The following RAB31 variants were observed in gnomAD, a reference collection of about 807,000 sequenced individuals.
RAB31 encodes ras-related protein Rab-31.
Under a neutral mutation model 25.6 loss-of-function variants are expected in RAB31, and 21 were observed. That is an observed-to-expected ratio of 0.82 (90% confidence interval 0.58 to 1.18). RAB31 has a LOEUF of 1.18. RAB31 is among the 50% of genes most tolerant of loss of function. RAB31 has a pLI of 0.00. For synonymous variants in RAB31, 87 were observed against 84.0 expected (o/e 1.04, Z -0.20); for missense variants, 196 against 250.1 (o/e 0.78, Z 1.46).
intron 1 of RAB31, among the ~76,000 whole-genome samples, chr18:9,761,622 G>A (rs570872610): frequency 3.3e-5 from 5 of 152,178 alleles, no homozygotes; most frequent in Non-Finnish European, 5.9e-5. Context: ...GGCAGGGTCT[G>A]CTTTCAGGCT....
intron 6 of RAB31, among the ~76,000 whole-genome samples, chr18:9,854,664 A>G (rs2068806814): frequency 6.6e-6 from 1 of 152,104 alleles, no homozygotes; most frequent in Non-Finnish European, 1.5e-5. Flanking sequence ...TAATCCTAAT[A>G]TTGTCTTCTT....
At chr18:9,845,482 G>A in intron 5 of RAB31, 100 bp from the exon 6 acceptor site, 1 of 996,234 alleles carries the variant, frequency 1.0e-6, no homozygotes, top group Non-Finnish European at 1.4e-6. Flanking sequence ...TCTACAAGAA[G>A]ATAAAGGAGC....
chr18:9,846,806 A>T (rs575068513), intron 6 of RAB31, among the ~76,000 whole-genome samples: 10 of 152,212 alleles, frequency 6.6e-5, no homozygotes, highest in Non-Finnish European at 1.3e-4. Flanking sequence ...TGGAGAATTC[A>T]TTGGAGATGG....
intron 1 of RAB31, among the ~76,000 whole-genome samples, chr18:9,748,890 CA>C (rs574198911): frequency 1.4e-5 from 2 of 146,406 alleles, no homozygotes; most frequent in Non-Finnish European, 3.0e-5. Flanking sequence ...GACTCTGTCT[CA>C]AAAAAAAATA....
At chr18:9,799,239 T>C (rs949668921) in intron 3 of RAB31, among the ~76,000 whole-genome samples, 2 of 152,246 alleles carry the variant, frequency 1.3e-5, no homozygotes, top group African/African-American at 4.8e-5. Context: ...TTCTGTGTCC[T>C]TAAAGGAAGA....
intron 1 of RAB31, among the ~76,000 whole-genome samples, chr18:9,735,863 G>A (rs534825607): frequency 6.6e-6 from 1 of 152,280 alleles, no homozygotes; most frequent in Admixed American, 6.5e-5. Flanking sequence ...TCTTTAAGCA[G>A]AGTCTTGCTG....
rs750641975 is a variant in RAB31, at chr18:9,859,220, T to G, written c.491-8T>G. On this transcript the variant is annotated splice_region_variant and splice_polypyrimidine_tract_variant and intron_variant, in intron 6 of 6. Transcript: ENST00000578921. ...GGGAACTCACCCTTGGCCTCCTTTT[T>G]GTTGCAGGCCGCCAGATCCCACCCT... 1 of 1,609,474 alleles carries G rather than the reference T, an allele frequency of 6.2e-7. No individual in the cohort carries two copies. The highest frequency in any genetic ancestry group is 1.3e-5 in the African/African-American group (1 of 74,774).
rs143146529 is a variant in RAB31 at position 9,754,994 on chromosome 18, G to A, written c.40-20284G>A. Among the ~76,000 whole-genome samples, 5 of 152,262 alleles carry A rather than the reference G, an allele frequency of 3.3e-5. No homozygotes were observed. The East Asian group carries it at 9.6e-4, about 29-fold the overall frequency. ...GAGGCAGGAGTAGGTACAGTATGGA[G>A]GTCTACAGCTTGGGTTTCTGAGGCA... On this transcript the variant is annotated intron_variant, in intron 1 of 6. Transcript: ENST00000578921.
At chr18:9,820,853 T>C (rs980303137) in intron 5 of RAB31, among the ~76,000 whole-genome samples, 2 of 152,072 alleles carry the variant, frequency 1.3e-5, no homozygotes, top group African/African-American at 4.8e-5. Flanking sequence ...ACCAGTGTTT[T>C]TGGTTTATTT....
At chr18:9,800,048 A>G (rs1365226096) in intron 3 of RAB31, among the ~76,000 whole-genome samples, 1 of 152,206 alleles carries the variant, frequency 6.6e-6, no homozygotes, top group Non-Finnish European at 1.5e-5. Context: ...CTTTGCAAGG[A>G]TGTACACAGG....
intron 6 of RAB31, among the ~76,000 whole-genome samples, chr18:9,847,428 G>T (rs2068767366): frequency 6.6e-6 from 1 of 152,192 alleles, no homozygotes; most frequent in Non-Finnish European, 1.5e-5. Context: ...GGGGAGCCTG[G>T]TGCCTTGTAT....
At chr18:9,720,033 G>A (rs1055177959) in intron 1 of RAB31, among the ~76,000 whole-genome samples, 2 of 151,792 alleles carry the variant, frequency 1.3e-5, no homozygotes, top group Non-Finnish European at 2.9e-5. Flanking sequence ...GCACAATCTC[G>A]GCTCACTGCA....
intron 5 of RAB31, among the ~76,000 whole-genome samples, chr18:9,844,336 A>T (rs552133636): frequency 6.6e-6 from 1 of 152,180 alleles, no homozygotes; most frequent in East Asian, 1.9e-4. Flanking sequence ...TGCAGAATCA[A>T]CTTTTAATAA....
intron 3 of RAB31, among the ~76,000 whole-genome samples, chr18:9,811,776 A>G (rs1012654793): frequency 7.2e-5 from 11 of 152,190 alleles, no homozygotes; most frequent in African/African-American, 2.7e-4. Flanking sequence ...CACATAATAA[A>G]TGATAAATTA....
At chr18:9,776,291 T>C (rs990541223) in intron 2 of RAB31, among the ~76,000 whole-genome samples, 1 of 152,222 alleles carries the variant, frequency 6.6e-6, no homozygotes, top group Non-Finnish European at 1.5e-5. Flanking sequence ...ACGTGGCCTC[T>C]GCTTATTTTT....
chr18:9,810,384 G>C (rs2068564475), intron 3 of RAB31, among the ~76,000 whole-genome samples: 1 of 152,134 alleles, frequency 6.6e-6, no homozygotes, highest in Admixed American at 6.5e-5. Flanking sequence ...GGCTGATTGT[G>C]GTGCTTTTGC....
At chr18:9,748,599 A>AAAAT (rs113898885) in intron 1 of RAB31, among the ~76,000 whole-genome samples, 85,579 of 150,936 alleles carry the variant, frequency 0.57, 24,555 homozygotes, top group African/African-American at 0.63. Flanking sequence ...TTGATATTTA[A>AAAAT]AAATATAAGG....
chr18:9,812,552 G>A (rs1014329871), intron 3 of RAB31, among the ~76,000 whole-genome samples: 13 of 151,954 alleles, frequency 8.6e-5, no homozygotes, highest in South Asian at 4.1e-4. Flanking sequence ...GTGTTCTTCC[G>A]ATTCTAATTG....
At chr18:9,840,006 C>A (rs2068724890) in intron 5 of RAB31, among the ~76,000 whole-genome samples, 1 of 152,206 alleles carries the variant, frequency 6.6e-6, no homozygotes, top group Non-Finnish European at 1.5e-5. Context: ...TCCATCCTCA[C>A]CACTCAGCCT....
Sources: allele counts gnomAD v4.1 joint callset (sites outside exome capture counted in the v4.1 genomes callset), GRCh38; gene constraint gnomAD v4.1.1; transcripts MANE v1.5; gene names NCBI Gene and HGNC (gene_info 2026-07-23, HGNC 2026-07-21).